TEAD1: variants seen among roughly 807,000 people sequenced by gnomAD.
TEAD1 encodes transcriptional enhancer factor TEF-1.
Under a neutral mutation model 54.9 loss-of-function variants are expected in TEAD1, and 9 were observed. That is an observed-to-expected ratio of 0.16 (90% CI 0.10 to 0.29). The LOEUF (loss-of-function observed/expected upper bound fraction) is 0.29, where lower values mean the gene tolerates loss of function less well. Ranked by LOEUF, TEAD1 falls within the 10% of genes least tolerant of loss-of-function variation. The probability of loss-of-function intolerance (pLI) is 1.00; values close to 1 mark genes in which losing one functional copy is unlikely to be tolerated. For synonymous variants in TEAD1, 200 were observed against 187.8 expected (o/e 1.07, Z -0.53); for missense variants, 387 against 535.9 (o/e 0.72, Z 2.74).
At chr11:12,816,233 C>A (rs1946411722) in intron 3 of TEAD1, among the ~76,000 whole-genome samples, 1 of 152,304 alleles carries the variant, frequency 6.6e-6, no homozygotes, top group South Asian at 2.1e-4. Context: ...GTCAAGCTGC[C>A]CGCCTTGCTG....
chr11:12,878,812 T>TATATATACACATATATATATGC, intron 5 of TEAD1: 2 of 772,284 alleles, frequency 2.6e-6, no homozygotes, highest in South Asian at 3.7e-5. Context: ...TATATATATG[T>TATATATACACATATATATATGC]TTTTTTTTTA....
chr11:12,724,346 A>G (rs1212888682), intron 2 of TEAD1, among the ~76,000 whole-genome samples: 1 of 152,234 alleles, frequency 6.6e-6, no homozygotes, highest in Non-Finnish European at 1.5e-5. Context: ...TAATTTGTTA[A>G]TGAAACAAGA....
chr11:12,818,154 C>T (rs1198368782), intron 3 of TEAD1, among the ~76,000 whole-genome samples: 1 of 152,128 alleles, frequency 6.6e-6, no homozygotes, highest in African/African-American at 2.4e-5. Context: ...CACCTTTGTC[C>T]CAAACTCTTG....
intron 3 of TEAD1, among the ~76,000 whole-genome samples, chr11:12,819,537 T>C (rs972697500): frequency 2.6e-5 from 4 of 152,060 alleles, no homozygotes; most frequent in Admixed American, 2.6e-4. Context: ...GCAAGCTCCG[T>C]CTCCAGGTTC....
At chr11:12,885,360 C>T (rs190860884) in intron 9 of TEAD1, among the ~76,000 whole-genome samples, 2,367 of 151,594 alleles carry the variant, frequency 0.016, 79 homozygotes, top group African/African-American at 0.054. Flanking sequence ...CTCAGCCTCC[C>T]GAGTAGCTGG....
intron 12 of TEAD1, among the ~76,000 whole-genome samples, chr11:12,933,992 A>T (rs146161733): frequency 0.02 from 3,094 of 152,276 alleles, 130 homozygotes; most frequent in Admixed American, 0.11. Flanking sequence ...TTCCTCAGGG[A>T]TCTAGAACTA....
chr11:12,692,484 T>C (rs1943479467), intron 2 of TEAD1, among the ~76,000 whole-genome samples: 1 of 152,136 alleles, frequency 6.6e-6, no homozygotes, highest in African/African-American at 2.4e-5. Flanking sequence ...GGATACACAT[T>C]TAATGCCCCT....
chr11:12,713,922 A>G (rs1300502206), intron 2 of TEAD1, among the ~76,000 whole-genome samples: 1 of 152,164 alleles, frequency 6.6e-6, no homozygotes, highest in Non-Finnish European at 1.5e-5. Context: ...AAGCTTTCCA[A>G]TTACTGGCCA....
At chr11:12,707,137 T>TTC (rs1943834179) in intron 2 of TEAD1, among the ~76,000 whole-genome samples, 1 of 127,716 alleles carries the variant, frequency 7.8e-6, no homozygotes, top group African/African-American at 3.1e-5. Context: ...TTTTTTTTTT[T>TTC]CAGAAGCATG....
chr11:12,810,401 G>A (rs1946276452), intron 3 of TEAD1, among the ~76,000 whole-genome samples: 2 of 152,150 alleles, frequency 1.3e-5, no homozygotes, highest in Admixed American at 1.3e-4. Context: ...GAGGGTCTAA[G>A]CCTGGGAAAA....
At chr11:12,875,638 G>A (rs1007698707) in intron 5 of TEAD1, among the ~76,000 whole-genome samples, 9 of 152,154 alleles carry the variant, frequency 5.9e-5, no homozygotes, top group Non-Finnish European at 1.0e-4. Context: ...ACCACAAAAG[G>A]TAGGAAATCA....
intron 3 of TEAD1, among the ~76,000 whole-genome samples, chr11:12,821,582 G>A (rs570175960): frequency 2.6e-5 from 4 of 152,098 alleles, no homozygotes; most frequent in South Asian, 2.1e-4. Context: ...GCATGCAGTC[G>A]GAAACTATGA....
intron 3 of TEAD1, among the ~76,000 whole-genome samples, chr11:12,805,587 C>T (rs1946152404): frequency 6.6e-6 from 1 of 152,148 alleles, no homozygotes; most frequent in Admixed American, 6.5e-5. Context: ...ATTGAGTTTG[C>T]CCTTTTTATT....
Position 12,942,783 on chromosome 11 carries a change from G to A in TEAD1, c.*5561G>A, listed in dbSNP as rs1034039599. 2.0e-5 allele frequency: 3 copies of A among 152,212 alleles called. No individual in the cohort carries two copies. The highest frequency in any genetic ancestry group is 1.5e-5 in the Non-Finnish European group (1 of 68,048). 9.4% of individuals were successfully genotyped at this position (152,212 alleles called of 1,614,324 possible). A position where few individuals can be genotyped will look rare whatever the true frequency, so the allele number is the denominator to read the frequency against. ...TTCTTAGGGCAAACATGTTGACTCC[G>A]AGTATTGTGTATGAATGTGCTACGA... is the stretch of plus-strand genomic sequence containing the variant. On this transcript the variant is annotated 3_prime_UTR_variant, in exon 13 of 13. Transcript: ENST00000527636.
intron 5 of TEAD1, among the ~76,000 whole-genome samples, chr11:12,872,024 G>T (rs1205708046): frequency 6.6e-6 from 1 of 152,128 alleles, no homozygotes; most frequent in Non-Finnish European, 1.5e-5. Context: ...CGCCCTGGTG[G>T]CCTTTATGAT....
chr11:12,824,045 A>G lies in TEAD1; in HGVS notation c.203-38205A>G, dbSNP rs78377743. Among the ~76,000 whole-genome samples, 9 of 152,332 alleles carry G rather than the reference A, an allele frequency of 5.9e-5. No individual in the cohort carries two copies. In the East Asian group the frequency reaches 1.5e-3, roughly 26 times the overall value. On this transcript the variant is annotated intron_variant, in intron 3 of 12. Coordinates refer to ENST00000527636, the MANE Select transcript of TEAD1 (RefSeq NM_021961.6). ...TGAGAACGTCTGTAAAATTAAGAAT[A>G]TGAACTCTAGTTCTGTCTGCATTTC...
chr11:12,756,101 G>T (rs931625043), intron 2 of TEAD1, among the ~76,000 whole-genome samples: 7 of 152,192 alleles, frequency 4.6e-5, no homozygotes, highest in African/African-American at 1.7e-4. Context: ...TCTCAGGAGG[G>T]TAATGCTAAG....
chr11:12,924,624 C>T (rs1242009647), intron 10 of TEAD1, among the ~76,000 whole-genome samples: 2 of 152,026 alleles, frequency 1.3e-5, no homozygotes, highest in Non-Finnish European at 2.9e-5. Context: ...ATTTCAAAGA[C>T]CTTGTGGATC....
intron 3 of TEAD1, among the ~76,000 whole-genome samples, chr11:12,829,139 C>T (rs755914406): frequency 1.3e-5 from 2 of 152,102 alleles, no homozygotes; most frequent in Non-Finnish European, 2.9e-5. Flanking sequence ...CTCCCCAAGA[C>T]GGAAGTGCAG....
Sources: allele counts gnomAD v4.1 joint callset (sites outside exome capture counted in the v4.1 genomes callset), GRCh38; gene constraint gnomAD v4.1.1; transcripts MANE v1.5; gene names NCBI Gene and HGNC (gene_info 2026-07-23, HGNC 2026-07-21).